OR51B5: variants seen among roughly 807,000 people sequenced by gnomAD.
OR51B5 encodes the protein olfactory receptor 51B5.
For synonymous variants in OR51B5, 186 were observed against 144.8 expected (o/e 1.28, Z -2.04); for missense variants, 456 against 374.6 (o/e 1.22, Z -1.79).
chr11:5,418,640 A>C (rs919221154), intron 1 of OR51B5, among the ~76,000 whole-genome samples: 1 of 150,324 alleles, frequency 6.7e-6, no homozygotes, highest in Admixed American at 6.6e-5. Context: ...AGAAAACCAA[A>C]CACCACATGT....
chr11:5,379,012 C>T (rs377188482), intron 1 of OR51B5, among the ~76,000 whole-genome samples: 37,499 of 146,880 alleles, frequency 0.26, 4,774 homozygotes, highest in African/African-American at 0.31. Flanking sequence ...CACATGCACA[C>T]GTATGTTTAT....
At chr11:5,438,815 C>T (rs540996667) in intron 1 of OR51B5, among the ~76,000 whole-genome samples, 1 of 152,194 alleles carries the variant, frequency 6.6e-6, no homozygotes, top group African/African-American at 2.4e-5. Context: ...ATAAATATAT[C>T]CTGTGGAGTG....
At chr11:5,353,044 C>T (rs1172239764) in intron 1 of OR51B5, among the ~76,000 whole-genome samples, 1 of 151,836 alleles carries the variant, frequency 6.6e-6, no homozygotes, top group Non-Finnish European at 1.5e-5. Context: ...TGGCTTCAGA[C>T]ATACATCCAG....
At chr11:5,418,622 G>T (rs7943412) in intron 1 of OR51B5, among the ~76,000 whole-genome samples, 1 of 151,510 alleles carries the variant, frequency 6.6e-6, no homozygotes, top group East Asian at 2.0e-4. Context: ...GCAAAATATC[G>T]CAAGGACAGA....
At position 5,454,039 on chromosome 11, in the gene OR51B5, T is replaced by C. The variant is rs762679691; in HGVS notation, n.84+51530A>G. The stretch of plus-strand genomic sequence containing the variant: ...CACTCCTACTGCCTGCACCCAGACA[T>C]GATGAGGCTTGCCTGTGCTGATATC... On this transcript the variant is annotated intron_variant and non_coding_transcript_variant, in intron 1 of 4. Transcript: ENST00000415970. 6.8e-6 allele frequency: 11 copies of C among 1,614,026 alleles called. No individual in the cohort carries two copies. Among genetic ancestry groups the C allele is most frequent in the Non-Finnish European group, 8.5e-6 (10 of 1,180,046 alleles).
At chr11:5,486,416 T>TA (rs1413080074) in intron 1 of OR51B5, among the ~76,000 whole-genome samples, 15 of 11,284 alleles carry the variant, frequency 1.3e-3, no homozygotes, top group Non-Finnish European at 4.3e-3. Flanking sequence ...CCATGGTATG[T>TA]GCCGCTAAAT....
At chr11:5,361,781 C>T (rs1379460338) in intron 1 of OR51B5, among the ~76,000 whole-genome samples, 1 of 152,124 alleles carries the variant, frequency 6.6e-6, no homozygotes, top group Non-Finnish European at 1.5e-5. Flanking sequence ...AGTTGAAAAT[C>T]CACGGGAATA....
intron 1 of OR51B5, among the ~76,000 whole-genome samples, chr11:5,445,721 A>G (rs1383094299): frequency 6.6e-6 from 1 of 151,320 alleles, no homozygotes; most frequent in African/African-American, 2.4e-5. Flanking sequence ...TGTGCATGTA[A>G]GACTTGTGCA....
chr11:5,465,309 G>T (rs1332853531), intron 1 of OR51B5, among the ~76,000 whole-genome samples: 8 of 150,724 alleles, frequency 5.3e-5, no homozygotes, highest in African/African-American at 1.9e-4. Flanking sequence ...ACTGGTGTGA[G>T]ATGATATCTC....
At chr11:5,395,214 A>G (rs899825949) in intron 1 of OR51B5, among the ~76,000 whole-genome samples, 6 of 152,202 alleles carry the variant, frequency 3.9e-5, no homozygotes, top group Non-Finnish European at 7.3e-5. Context: ...CAAAGACCCA[A>G]GGAAGAGAGA....
chr11:5,497,379 T>C (rs919316851), intron 1 of OR51B5, among the ~76,000 whole-genome samples: 1 of 152,108 alleles, frequency 6.6e-6, no homozygotes. Flanking sequence ...TCCATTGCAC[T>C]CCAGCCTGGG....
At chr11:5,440,586 T>C (rs748109890) in intron 1 of OR51B5, 2 of 1,612,874 alleles carry the variant, frequency 1.2e-6, no homozygotes, top group Non-Finnish European at 8.5e-7. Flanking sequence ...CTGGGATTTA[T>C]GGAAGAACTT....
At chr11:5,425,532 G>A (rs1850435060) in intron 1 of OR51B5, among the ~76,000 whole-genome samples, 1 of 152,272 alleles carries the variant, frequency 6.6e-6, no homozygotes, top group African/African-American at 2.4e-5. Flanking sequence ...TGTGTGTGGC[G>A]AGGGGAGGAG....
chr11:5,423,244 T>A (rs1036106300), intron 1 of OR51B5: 1 of 1,410,502 alleles, frequency 7.1e-7, no homozygotes, highest in African/African-American at 1.4e-5. Context: ...AAATAAAACT[T>A]CATCATAATA....
At chr11:5,497,474 A>T (rs1273546537) in intron 1 of OR51B5, among the ~76,000 whole-genome samples, 1 of 152,214 alleles carries the variant, frequency 6.6e-6, no homozygotes, top group East Asian at 1.9e-4. Flanking sequence ...ACTATTGGTG[A>T]TGTAGACCCC....
chr11:5,412,966 T>C (rs1850173479), intron 1 of OR51B5, among the ~76,000 whole-genome samples: 1 of 152,092 alleles, frequency 6.6e-6, no homozygotes, highest in South Asian at 2.1e-4. Context: ...CAGCTGGAGA[T>C]CTGAGGATGG....
chr11:5,366,523 C>G (rs1311979116), intron 1 of OR51B5, among the ~76,000 whole-genome samples: 1 of 151,990 alleles, frequency 6.6e-6, no homozygotes, highest in Admixed American at 6.6e-5. Context: ...GTAGGAGAAT[C>G]GCTTGAACCT....
At chr11:5,458,336 T>C (rs77303025) in intron 1 of OR51B5, among the ~76,000 whole-genome samples, 2,674 of 152,290 alleles carry the variant, frequency 0.018, 88 homozygotes, top group African/African-American at 0.061. Flanking sequence ...TTTGTACCAG[T>C]AAAATGCTGC....
At chr11:5,495,824 C>G (rs1449756681) in intron 1 of OR51B5, among the ~76,000 whole-genome samples, 1 of 152,174 alleles carries the variant, frequency 6.6e-6, no homozygotes, top group Non-Finnish European at 1.5e-5. Context: ...CAACTATATA[C>G]CGCCTGCAAA....
Sources: allele counts gnomAD v4.1 joint callset (sites outside exome capture counted in the v4.1 genomes callset), GRCh38; gene constraint gnomAD v4.1.1; transcripts MANE v1.5; gene names NCBI Gene and HGNC (gene_info 2026-07-23, HGNC 2026-07-21).